AK9: variants seen among roughly 807,000 people sequenced by gnomAD.
AK9 encodes the protein adenylate kinase domain containing 1.
AK9 carries 191 observed loss-of-function variants against 239.6 expected under a neutral mutation model. The observed-to-expected ratio is 0.80, with a 90% CI of 0.71 to 0.90. The LOEUF (loss-of-function observed/expected upper bound fraction) is 0.90, where lower values mean the gene tolerates loss of function less well. AK9 is among the 40% of genes least tolerant of loss of function. The pLI is 0.00. For synonymous variants in AK9, 689 were observed against 721.0 expected (o/e 0.96, Z 0.71); for missense variants, 1,995 against 2,214.7 (o/e 0.90, Z 1.99).
chr6:109,654,645 T>C (rs949907124), intron 8 of AK9, among the ~76,000 whole-genome samples: 5 of 152,188 alleles, frequency 3.3e-5, no homozygotes, highest in Admixed American at 3.3e-4. Flanking sequence ...CTATATTTTT[T>C]ACTGTTTCCT....
At chr6:109,502,954 G>GGTGTGTGTGT (rs1218694406) in intron 35 of AK9, among the ~76,000 whole-genome samples, 5 of 121,782 alleles carry the variant, frequency 4.1e-5, no homozygotes, top group African/African-American at 1.9e-4. Flanking sequence ...CCACAGGAAC[G>GGTGTGTGTGT]GTATGTGTGT....
chr6:109,665,124 A>G (rs1801007475), intron 5 of AK9, among the ~76,000 whole-genome samples: 1 of 152,198 alleles, frequency 6.6e-6, no homozygotes. Flanking sequence ...AATGTCTCCT[A>G]AGCTTTTTTG....
At chr6:109,683,146 C>A (rs1280390287) in intron 1 of AK9, among the ~76,000 whole-genome samples, 1 of 152,044 alleles carries the variant, frequency 6.6e-6, no homozygotes, top group Non-Finnish European at 1.5e-5. Flanking sequence ...AATGACAAAA[C>A]CACATGATTA....
chr6:109,607,771 G>GTGTGTGTT (rs1793080521), intron 17 of AK9, among the ~76,000 whole-genome samples: 1 of 146,818 alleles, frequency 6.8e-6, no homozygotes, highest in African/African-American at 2.5e-5. Context: ...GCAGAGGGGT[G>GTGTGTGTT]TGTGTGTGTG....
chr6:109,620,823 T>C (rs892246951), intron 12 of AK9, among the ~76,000 whole-genome samples: 3 of 151,176 alleles, frequency 2.0e-5, no homozygotes, highest in Non-Finnish European at 4.4e-5. Flanking sequence ...TACATATACA[T>C]ATACACCATA....
At chr6:109,568,714 A>G (rs909390127) in intron 21 of AK9, among the ~76,000 whole-genome samples, 8 of 152,084 alleles carry the variant, frequency 5.3e-5, no homozygotes, top group African/African-American at 1.9e-4. Context: ...TAGGAATCCA[A>G]CTTACAAGGG....
At chr6:109,539,212 C>T (rs1166380720) in intron 27 of AK9, among the ~76,000 whole-genome samples, 1 of 152,190 alleles carries the variant, frequency 6.6e-6, no homozygotes, top group East Asian at 1.9e-4. Context: ...CAACTTGGTT[C>T]CATTCTCCCT....
At chr6:109,667,301 GTT>G (rs11365456) in intron 5 of AK9, among the ~76,000 whole-genome samples, 4 of 147,822 alleles carry the variant, frequency 2.7e-5, no homozygotes, top group Non-Finnish European at 6.0e-5. Flanking sequence ...CACTCAAGTT[GTT>G]TTTTTTTTTA....
intron 5 of AK9, among the ~76,000 whole-genome samples, chr6:109,662,964 T>G (rs561518048): frequency 6.6e-6 from 1 of 152,096 alleles, no homozygotes. Context: ...CTAGTAATTA[T>G]TTTAACTCAT....
At chr6:109,687,639 T>C (rs1002551043) in intron 1 of AK9, among the ~76,000 whole-genome samples, 3 of 152,128 alleles carry the variant, frequency 2.0e-5, no homozygotes, top group African/African-American at 7.2e-5. Context: ...TTGCCAACAA[T>C]GTGAATCAGC....
intron 17 of AK9, among the ~76,000 whole-genome samples, chr6:109,606,885 A>G (rs1054249938): frequency 6.6e-6 from 1 of 152,216 alleles, no homozygotes; most frequent in Non-Finnish European, 1.5e-5. Flanking sequence ...TAGAAACAAT[A>G]TCTATCATTA....
rs764570628 is a variant in AK9 at position 109,528,542 on chromosome 6, G to A, written c.3633+469C>T. ...AATGGTTTTTTCTTATCTACTTTTGGTTGTGAATATTTTGTTTTGACAAAG... is the reference window on the plus strand; with the variant it reads ...AATGGTTTTTTCTTATCTACTTTTGATTGTGAATATTTTGTTTTGACAAAG... On this transcript the variant is annotated intron_variant, in intron 29 of 40. Coordinates refer to ENST00000424296, the MANE Select transcript of AK9 (RefSeq NM_001145128.3). 41 of 456,618 alleles carry A rather than the reference G, an allele frequency of 9.0e-5. 1 individual carries two copies. Among genetic ancestry groups the A allele is most frequent in the South Asian group, 6.2e-4 (40 of 64,552 alleles). The allele number at this position is 456,618 out of a possible 1,614,324, so 28.3% of individuals were successfully genotyped here. A position where few individuals can be genotyped will look rare whatever the true frequency, so the allele number is the denominator to read the frequency against.
At chr6:109,506,100 C>A (rs973202051) in intron 35 of AK9, among the ~76,000 whole-genome samples, 5 of 152,134 alleles carry the variant, frequency 3.3e-5, no homozygotes, top group African/African-American at 1.2e-4. Flanking sequence ...TACTATTACA[C>A]TGGGGATTCG....
chr6:109,621,973 A>C (rs1250477448), intron 12 of AK9, among the ~76,000 whole-genome samples: 3 of 147,708 alleles, frequency 2.0e-5, no homozygotes, highest in African/African-American at 4.9e-5. Flanking sequence ...AACAAAAAAA[A>C]CTGTCAAAGA....
At chr6:109,654,857 T>C (rs1279842596) in intron 8 of AK9, among the ~76,000 whole-genome samples, 1 of 152,192 alleles carries the variant, frequency 6.6e-6, no homozygotes, top group Non-Finnish European at 1.5e-5. Flanking sequence ...TTGCTTTCCT[T>C]GTATCTCTTG....
chr6:109,516,206 T>C (rs776793955), intron 30 of AK9, 131 bp from the exon 31 acceptor site: 3 of 950,186 alleles, frequency 3.2e-6, no homozygotes, highest in Non-Finnish European at 4.6e-6. Flanking sequence ...AGCTTCCAAG[T>C]GGCTGCATGT....
chr6:109,561,103 A>G (rs6917713), intron 24 of AK9, among the ~76,000 whole-genome samples: 13,071 of 151,936 alleles, frequency 0.086, 922 homozygotes, highest in African/African-American at 0.19. Flanking sequence ...ACAGGTGCGC[A>G]TGACCACACC....
At chr6:109,521,738 A>AACATGCACT (rs1386201950) in intron 29 of AK9, among the ~76,000 whole-genome samples, 3 of 152,094 alleles carry the variant, frequency 2.0e-5, no homozygotes, top group African/African-American at 7.2e-5. Context: ...TGTATCAAGA[A>AACATGCACT]ACATGCACTA....
At chr6:109,579,696 T>C (rs1788575353) in intron 19 of AK9, 70 bp from the exon 20 acceptor site, 5 of 1,243,892 alleles carry the variant, frequency 4.0e-6, no homozygotes, top group Non-Finnish European at 4.4e-6. Flanking sequence ...CAGGATTAAA[T>C]GCTTATAGTG....
Sources: allele counts gnomAD v4.1 joint callset (sites outside exome capture counted in the v4.1 genomes callset), GRCh38; gene constraint gnomAD v4.1.1; transcripts MANE v1.5; gene names NCBI Gene and HGNC (gene_info 2026-07-23, HGNC 2026-07-21).